GRM7: variants seen among roughly 807,000 people sequenced by gnomAD.
GRM7 encodes the protein metabotropic glutamate receptor 7.
GRM7 carries 35 observed loss-of-function variants against 84.5 expected under a neutral mutation model. That is an observed-to-expected ratio of 0.41 (90% CI 0.32 to 0.55). The LOEUF (loss-of-function observed/expected upper bound fraction) is 0.55, where lower values mean the gene tolerates loss of function less well. Ranked by LOEUF, GRM7 falls within the 20% of genes least tolerant of loss-of-function variation. The probability of loss-of-function intolerance (pLI) is 0.19; values close to 1 mark genes in which losing one functional copy is unlikely to be tolerated. For synonymous variants in GRM7, 487 were observed against 455.1 expected, an observed-to-expected ratio of 1.07 and a Z score of -0.89; for missense variants, 1,003 against 1,194.6, an observed-to-expected ratio of 0.84 and a Z score of 2.36.
intron 5 of GRM7, among the ~76,000 whole-genome samples, chr3:7,425,859 T>C (rs1054474545): frequency 6.6e-6 from 1 of 152,194 alleles, no homozygotes; most frequent in African/African-American, 2.4e-5. Flanking sequence ...GAAATCACTA[T>C]GACAAGTAGT....
chr3:7,252,064 T>C (rs1698012220), intron 2 of GRM7, among the ~76,000 whole-genome samples: 1 of 152,140 alleles, frequency 6.6e-6, no homozygotes, highest in South Asian at 2.1e-4. Context: ...CAAAAAATCC[T>C]CATGAAATAG....
intron 1 of GRM7, among the ~76,000 whole-genome samples, chr3:7,145,516 A>C (rs78838624): frequency 0.12 from 18,323 of 152,160 alleles, 1,529 homozygotes; most frequent in Non-Finnish European, 0.18. Context: ...CTTTCCATGT[A>C]TATAATTTAA....
At position 7,715,628 on chromosome 3, in the gene GRM7, T is replaced by G. The variant is rs779730998; in HGVS notation, c.2699-24729T>G. On this transcript the variant is annotated intron_variant, in intron 9 of 9. Coordinates refer to ENST00000357716, the MANE Select transcript of GRM7 (RefSeq NM_000844.4). ...ACTAAGTAGGTTCCATTGTTGTTCTTATTAAAGAGCTAAACAAACTCTTAT... is the reference window on the plus strand; with the variant it reads ...ACTAAGTAGGTTCCATTGTTGTTCTGATTAAAGAGCTAAACAAACTCTTAT... 1.8e-4 allele frequency among the ~76,000 whole-genome samples: 27 copies of G among 152,206 alleles called. 1 individual carries two copies. Among genetic ancestry groups the G allele is most frequent in the South Asian group, 4.1e-4 (2 of 4,836 alleles).
rs1410906776 is a variant in GRM7, at chr3:6,863,033, T to C, written c.519+1126T>C. 1 of 455,824 alleles carries C rather than the reference T, an allele frequency of 2.2e-6. No homozygotes were observed. Among genetic ancestry groups the C allele is most frequent in the East Asian group, 7.0e-5 (1 of 14,266 alleles). The allele number at this position is 455,824 out of a possible 1,614,324, so 28.2% of individuals were successfully genotyped here. A position where few individuals can be genotyped will look rare whatever the true frequency, so the allele number is the denominator to read the frequency against. ...ATGAGTGGCTTTGGGGTTTGGAAAT[T>C]GAGTTTCAGGGTCTCTGTGATTGTA... On this transcript the variant is annotated intron_variant, in intron 1 of 9. Coordinates refer to ENST00000357716, the MANE Select transcript of GRM7 (RefSeq NM_000844.4). This position sits in a 1 kb window ranked among gnomAD's most constrained non-coding sequence, Gnocchi z 4.8.
Position 7,227,490 on chromosome 3 carries a change from TGC to T in GRM7, c.737-71193_737-71192del, listed in dbSNP as rs1697021338. 1.6e-4 allele frequency among the ~76,000 whole-genome samples: 24 copies of T among 152,312 alleles called. No homozygotes were observed. In the South Asian group the frequency reaches 5.0e-3, roughly 32 times the overall value. On this transcript the variant is annotated intron_variant, in intron 2 of 9. Transcript: ENST00000357716. ...CAGAGAGACCTCCTATTGTATCGCA[TGC>T]CTACTTTTTTCAGTACATCTTTGCA... is the stretch of plus-strand genomic sequence containing the variant.
At chr3:7,523,991 C>T (rs1374219887) in intron 7 of GRM7, among the ~76,000 whole-genome samples, 1 of 152,096 alleles carries the variant, frequency 6.6e-6, no homozygotes, top group African/African-American at 2.4e-5. Flanking sequence ...AAAAGCCCCT[C>T]TTCTATCTTG....
At chr3:7,125,402 C>T (rs1693367413) in intron 1 of GRM7, among the ~76,000 whole-genome samples, 1 of 152,054 alleles carries the variant, frequency 6.6e-6, no homozygotes, top group Admixed American at 6.6e-5. Flanking sequence ...TGGTTTCATC[C>T]CACTCCCCTC....
At chr3:6,963,424 AT>A (rs1693379442) in intron 1 of GRM7, among the ~76,000 whole-genome samples, 1 of 152,214 alleles carries the variant, frequency 6.6e-6, no homozygotes, top group Non-Finnish European at 1.5e-5. Flanking sequence ...CATAAAAAAT[AT>A]ATCTCTGCTC....
At chr3:7,513,253 G>A (rs1469802290) in intron 7 of GRM7, among the ~76,000 whole-genome samples, 1 of 152,120 alleles carries the variant, frequency 6.6e-6, no homozygotes, top group Non-Finnish European at 1.5e-5. Flanking sequence ...AGGAGGAGTG[G>A]ACCATCAAAA....
chr3:7,158,473 C>G (rs945912059), intron 2 of GRM7, among the ~76,000 whole-genome samples: 1 of 152,062 alleles, frequency 6.6e-6, no homozygotes, highest in Non-Finnish European at 1.5e-5. Flanking sequence ...TGACGCTTCT[C>G]CAGTATGTCC....
intron 9 of GRM7, among the ~76,000 whole-genome samples, chr3:7,685,609 T>A (rs1700550098): frequency 6.6e-6 from 1 of 152,104 alleles, no homozygotes; most frequent in Admixed American, 6.5e-5. Context: ...GTTAGAAGAA[T>A]AACAATTTGT....
At chr3:7,292,216 C>G (rs538875731) in intron 2 of GRM7, among the ~76,000 whole-genome samples, 2 of 152,216 alleles carry the variant, frequency 1.3e-5, no homozygotes, top group South Asian at 4.1e-4. Flanking sequence ...CCCTCTGTTG[C>G]CTCCATTAAG....
intron 7 of GRM7, among the ~76,000 whole-genome samples, chr3:7,571,005 G>A (rs770691320): frequency 3.9e-5 from 6 of 152,152 alleles, no homozygotes; most frequent in African/African-American, 1.2e-4. Context: ...ACTGTACCTT[G>A]GTCCTTTTTA....
chr3:7,473,525 AG>A (rs1698797044), intron 7 of GRM7, among the ~76,000 whole-genome samples: 3 of 151,606 alleles, frequency 2.0e-5, no homozygotes, highest in South Asian at 2.1e-4. Context: ...AGAGAGAGAG[AG>A]AGAGAAACAC....
chr3:6,978,647 T>G (rs963684042), intron 1 of GRM7, among the ~76,000 whole-genome samples: 3 of 152,150 alleles, frequency 2.0e-5, no homozygotes, highest in Non-Finnish European at 4.4e-5. Context: ...CCACTTTTCT[T>G]GATGGGAGTG....
chr3:7,032,577 A>C (rs1696230385), intron 1 of GRM7, among the ~76,000 whole-genome samples: 1 of 152,104 alleles, frequency 6.6e-6, no homozygotes, highest in Admixed American at 6.5e-5. Context: ...TTTTTGAGTC[A>C]AATTTCCCAG....
Position 7,579,195 on chromosome 3 carries a change from C to T in GRM7, c.2289C>T (p.Ser763=). The T allele has an allele frequency of 6.2e-7, 1 of 1,613,844 alleles. No individual in the cohort carries two copies. Among genetic ancestry groups the T allele is most frequent in the Non-Finnish European group, 8.5e-7 (1 of 1,179,838 alleles). The stretch of plus-strand genomic sequence containing the variant: ...AAATCATTTGCTCCTTGGGATATAG[C>T]ATTCTTCTCATGGTCACATGTACTG... ...DLQIICSLGY[S]ILLMVTCTVY... is the part of the protein sequence containing the mutation. The change falls in exon 8 of 10, where the codon AGC becomes AGT. Residue 763 remains serine, a synonymous_variant. Transcript: ENST00000357716.
intron 9 of GRM7, among the ~76,000 whole-genome samples, chr3:7,707,913 T>C (rs1373422992): frequency 6.6e-6 from 1 of 151,528 alleles, no homozygotes; most frequent in East Asian, 1.9e-4. Context: ...ATAGAACATA[T>C]TGCTGTGAAG....
chr3:6,959,889 G>A (rs1482110401), intron 1 of GRM7, among the ~76,000 whole-genome samples: 5 of 152,220 alleles, frequency 3.3e-5, no homozygotes, highest in African/African-American at 1.2e-4. Context: ...GAAACTCATG[G>A]AGAGGTATGG....
Sources: gnomAD v4.1 joint callset for allele counts (sites outside exome capture counted in the v4.1 genomes callset) on GRCh38, gnomAD v4.1.1 for gene constraint, Gnocchi (gnomAD v3.1) non-coding constraint, MANE v1.5 for transcripts, NCBI Gene and HGNC (gene_info 2026-07-23, HGNC 2026-07-21) for gene names.